Variants in ZNF804A observed in about 807,000 individuals in gnomAD.
ZNF804A encodes zinc finger protein 804A.
A neutral mutation model predicts 16.5 loss-of-function variants in ZNF804A; 2 were observed. The observed-to-expected ratio is 0.12, with a 90% CI of 0.05 to 0.38. The LOEUF (loss-of-function observed/expected upper bound fraction) is 0.38, where lower values mean the gene tolerates loss of function less well. Among genes scored for constraint, ZNF804A ranks in the 10% least tolerant of loss-of-function variants. The pLI, the probability that ZNF804A is intolerant of heterozygous loss-of-function variation, is 0.99. For missense variants in ZNF804A, 1,473 were observed against 1,390.7 expected (o/e 1.06, Z -0.94); for synonymous variants, 534 against 489.6 (o/e 1.09, Z -1.20).
intron 2 of ZNF804A, among the ~76,000 whole-genome samples, chr2:184,888,111 C>T (rs1684925039): frequency 6.6e-6 from 1 of 151,860 alleles, no homozygotes; most frequent in African/African-American, 2.4e-5. Flanking sequence ...TACATGTAAC[C>T]CTGAACCTAA....
chr2:184,743,114 C>T (rs1354165809), intron 1 of ZNF804A, among the ~76,000 whole-genome samples: 1 of 151,952 alleles, frequency 6.6e-6, no homozygotes, highest in African/African-American at 2.4e-5. Context: ...ATCACCTGAC[C>T]TTAACATAGC....
At chr2:184,894,411 A>G (rs919629138) in intron 2 of ZNF804A, among the ~76,000 whole-genome samples, 1 of 152,080 alleles carries the variant, frequency 6.6e-6, no homozygotes, top group Non-Finnish European at 1.5e-5. Flanking sequence ...CATTACTGAT[A>G]TATTTGTAGT....
intron 1 of ZNF804A, among the ~76,000 whole-genome samples, chr2:184,619,559 C>A (rs1691384903): frequency 6.6e-6 from 1 of 151,730 alleles, no homozygotes; most frequent in Non-Finnish European, 1.5e-5. Context: ...TAATATCATG[C>A]CTCTATATCA....
intron 1 of ZNF804A, among the ~76,000 whole-genome samples, chr2:184,632,760 T>C (rs1387470777): frequency 2.0e-5 from 3 of 152,212 alleles, no homozygotes; most frequent in Non-Finnish European, 2.9e-5. Context: ...TCAGAATTTC[T>C]TATTTTGTTG....
At chr2:184,636,450 TGTGAGA>T (rs1427721095) in intron 1 of ZNF804A, among the ~76,000 whole-genome samples, 8 of 137,222 alleles carry the variant, frequency 5.8e-5, no homozygotes, top group Non-Finnish European at 9.7e-5. Flanking sequence ...TGTGTGTGTG[TGTGAGA>T]GAGAGAGAGA....
At chr2:184,695,385 C>A (rs1013058286) in intron 1 of ZNF804A, among the ~76,000 whole-genome samples, 1 of 145,296 alleles carries the variant, frequency 6.9e-6, no homozygotes, top group Admixed American at 7.1e-5. Flanking sequence ...GGCGTGAACC[C>A]GGTAGGCGGA....
chr2:184,741,189 A>T (rs916569580), intron 1 of ZNF804A, among the ~76,000 whole-genome samples: 2 of 152,168 alleles, frequency 1.3e-5, no homozygotes, highest in African/African-American at 4.8e-5. Context: ...GAAAGCAGGT[A>T]TACTGACAGC....
At chr2:184,599,991 G>C (rs1001177398) in intron 1 of ZNF804A, among the ~76,000 whole-genome samples, 1 of 152,126 alleles carries the variant, frequency 6.6e-6, no homozygotes, top group Non-Finnish European at 1.5e-5. Context: ...ATTAGGCTTA[G>C]TACTGCAAAG....
chr2:184,791,827 A>G (rs1324437633), intron 1 of ZNF804A, among the ~76,000 whole-genome samples: 2 of 152,194 alleles, frequency 1.3e-5, no homozygotes, highest in African/African-American at 2.4e-5. Context: ...GCCCTAAAAA[A>G]TCATCTTTCC....
At chr2:184,636,896 T>G (rs972968888) in intron 1 of ZNF804A, among the ~76,000 whole-genome samples, 1 of 152,142 alleles carries the variant, frequency 6.6e-6, no homozygotes, top group Admixed American at 6.6e-5. Flanking sequence ...CTCTTCTCTA[T>G]CTACTCATTC....
chr2:184,754,897 G>A (rs1403106143), intron 1 of ZNF804A, among the ~76,000 whole-genome samples: 1 of 151,750 alleles, frequency 6.6e-6, no homozygotes. Flanking sequence ...TTTGCAGCAG[G>A]AGAGAGAGAG....
At chr2:184,647,327 A>T (rs545706633) in intron 1 of ZNF804A, among the ~76,000 whole-genome samples, 1 of 152,326 alleles carries the variant, frequency 6.6e-6, no homozygotes, top group Admixed American at 6.5e-5. Context: ...GAATTCTGGC[A>T]CCATAAAAAC....
At chr2:184,893,735 T>C (rs1045180257) in intron 2 of ZNF804A, among the ~76,000 whole-genome samples, 3 of 152,138 alleles carry the variant, frequency 2.0e-5, no homozygotes, top group Admixed American at 6.5e-5. Flanking sequence ...ATTGTATGAG[T>C]CTTCATAGAC....
intron 1 of ZNF804A, among the ~76,000 whole-genome samples, chr2:184,674,894 A>T (rs1022243167): frequency 6.6e-6 from 1 of 151,894 alleles, no homozygotes; most frequent in Non-Finnish European, 1.5e-5. Context: ...AAAAAGAAAC[A>T]GTCTTATAAA....
intron 1 of ZNF804A, among the ~76,000 whole-genome samples, chr2:184,665,542 T>C (rs13405270): frequency 0.39 from 59,982 of 152,056 alleles, 12,192 homozygotes; most frequent in Middle Eastern, 0.46. Context: ...ACATTTATTA[T>C]CTCACAGTTC....
At chr2:184,925,587 G>C (rs1208504448) in intron 2 of ZNF804A, among the ~76,000 whole-genome samples, 1 of 151,560 alleles carries the variant, frequency 6.6e-6, no homozygotes, top group East Asian at 1.9e-4. Context: ...TTTGTTAGTT[G>C]TTTTCTGGTT....
At chr2:184,610,902 TG>T (rs1691226317) in intron 1 of ZNF804A, among the ~76,000 whole-genome samples, 1 of 152,244 alleles carries the variant, frequency 6.6e-6, no homozygotes, top group South Asian at 2.1e-4. Flanking sequence ...TAGCTATGTA[TG>T]GATTTACATA....
chr2:184,789,136 A>G (rs1048104909), intron 1 of ZNF804A, among the ~76,000 whole-genome samples: 2 of 152,114 alleles, frequency 1.3e-5, no homozygotes, highest in Non-Finnish European at 2.9e-5. Context: ...TAGGTGGATC[A>G]TGATTATTGT....
intron 1 of ZNF804A, among the ~76,000 whole-genome samples, chr2:184,818,455 A>G (rs1226943446): frequency 7.1e-6 from 1 of 141,758 alleles, no homozygotes; most frequent in East Asian, 1.9e-4. Context: ...TAAAAAAAAT[A>G]CTGTAATCCA....
Sources: gnomAD v4.1 joint callset for allele counts (sites outside exome capture counted in the v4.1 genomes callset) on GRCh38, gnomAD v4.1.1 for gene constraint, MANE v1.5 for transcripts, NCBI Gene and HGNC (gene_info 2026-07-23, HGNC 2026-07-21) for gene names.